ITGA9: variants seen among roughly 807,000 people sequenced by gnomAD.
ITGA9 encodes integrin alpha-9.
ITGA9 carries 56 observed loss-of-function variants against 127.8 expected under a neutral mutation model. The observed-to-expected ratio is 0.44, with a 90% CI of 0.35 to 0.55. The LOEUF is 0.55. Ranked by LOEUF, ITGA9 falls within the 20% of genes least tolerant of loss-of-function variation. The pLI is 0.00. For missense variants in ITGA9, 1,196 were observed against 1,347.1 expected (o/e 0.89, Z 1.76); for synonymous variants, 508 against 514.5 (o/e 0.99, Z 0.17).
At chr3:37,517,284 T>C (rs17814903) in intron 9 of ITGA9, among the ~76,000 whole-genome samples, 13,127 of 152,136 alleles carry the variant, frequency 0.086, 677 homozygotes, top group Non-Finnish European at 0.11. Context: ...CAAAAATGCA[T>C]CTCAGGCTAT....
intron 27 of ITGA9, among the ~76,000 whole-genome samples, chr3:37,809,104 T>C (rs1305329314): frequency 2.0e-5 from 3 of 151,330 alleles, no homozygotes; most frequent in Non-Finnish European, 2.9e-5. Flanking sequence ...TTTTTTTTTT[T>C]TGTGGCAGTC....
At chr3:37,809,252 A>C in intron 27 of ITGA9, among the ~76,000 whole-genome samples, 1 of 151,892 alleles carries the variant, frequency 6.6e-6, no homozygotes, top group East Asian at 1.9e-4. Flanking sequence ...AGCCTGGCTA[A>C]GTTTTGTATT....
intron 26 of ITGA9, among the ~76,000 whole-genome samples, chr3:37,800,957 G>A (rs1173569008): frequency 6.6e-6 from 1 of 152,026 alleles, no homozygotes; most frequent in East Asian, 1.9e-4. Context: ...TCGAGGCCAG[G>A]AGTTCGAGAC....
At chr3:37,633,496 A>C (rs1240830041) in intron 16 of ITGA9, among the ~76,000 whole-genome samples, 5 of 152,232 alleles carry the variant, frequency 3.3e-5, no homozygotes, top group African/African-American at 9.6e-5. Flanking sequence ...AAAGTGTTGA[A>C]TATCTCATGT....
intron 18 of ITGA9, among the ~76,000 whole-genome samples, chr3:37,699,190 T>A (rs532458752): frequency 2.0e-5 from 3 of 152,236 alleles, no homozygotes; most frequent in South Asian, 2.1e-4. Flanking sequence ...ACTGGTCAAG[T>A]CTCATAACTT....
At position 37,597,730 on chromosome 3, in the gene ITGA9, C is replaced by T. The variant is rs1699882472; in HGVS notation, c.1690-31457C>T. Reference sequence around the variant, plus strand: ...CAGAACAAACTCAAAACTTCAGTGGCATACAATACAAAGCATATAGTTTGT... The same window carrying T: ...CAGAACAAACTCAAAACTTCAGTGGTATACAATACAAAGCATATAGTTTGT... On this transcript the variant is annotated intron_variant, in intron 15 of 27. Transcript: ENST00000264741. This position sits in a 1 kb window ranked among gnomAD's most constrained non-coding sequence, Gnocchi z 4.6. 6.6e-6 allele frequency among the ~76,000 whole-genome samples: 1 copy of T among 152,218 alleles called. No homozygotes were observed. Among genetic ancestry groups the T allele is most frequent in the African/African-American group, 2.4e-5 (1 of 41,444 alleles).
chr3:37,561,612 G>A (rs1240343536), intron 15 of ITGA9, among the ~76,000 whole-genome samples: 11 of 152,122 alleles, frequency 7.2e-5, no homozygotes, highest in Non-Finnish European at 1.0e-4. Context: ...TGGTGATGAC[G>A]GCCTGCAAAA....
intron 18 of ITGA9, among the ~76,000 whole-genome samples, chr3:37,693,870 C>G (rs916399429): frequency 3.3e-5 from 5 of 152,186 alleles, no homozygotes; most frequent in Non-Finnish European, 7.3e-5. Context: ...TTGTGTTCTG[C>G]TTTCTCTGGT....
intron 26 of ITGA9, among the ~76,000 whole-genome samples, chr3:37,796,294 A>G (rs1366828071): frequency 3.3e-5 from 5 of 152,130 alleles, no homozygotes; most frequent in Admixed American, 3.3e-4. Context: ...ATCATCATGA[A>G]CTTCTCCTTT....
At chr3:37,653,593 G>A in intron 16 of ITGA9, 121 bp from the exon 17 acceptor site, 2 of 806,510 alleles carry the variant, frequency 2.5e-6, no homozygotes, top group South Asian at 2.7e-5. Context: ...GGAGGTGGGA[G>A]TAGAAGCCCT....
At chr3:37,581,801 A>G (rs1313030954) in intron 15 of ITGA9, among the ~76,000 whole-genome samples, 1 of 152,200 alleles carries the variant, frequency 6.6e-6, no homozygotes, top group Non-Finnish European at 1.5e-5. Context: ...TTTGGAACTG[A>G]GCAGCATTCT....
chr3:37,528,618 C>T (rs1699118303), intron 13 of ITGA9, among the ~76,000 whole-genome samples: 1 of 152,158 alleles, frequency 6.6e-6, no homozygotes. Context: ...GGAAACCTGA[C>T]CTAGCCTGTG....
chr3:37,512,589 GTTTGGCTTGCACAGTA>G (rs796344002), intron 8 of ITGA9, among the ~76,000 whole-genome samples: 4 of 152,232 alleles, frequency 2.6e-5, no homozygotes, highest in African/African-American at 9.6e-5. Flanking sequence ...AAATACTTTT[GTTTGGCTTGCACAGTA>G]TTTGTTTATT....
chr3:37,512,044 CTTT>C (rs1559524572), intron 8 of ITGA9, among the ~76,000 whole-genome samples: 267 of 25,990 alleles, frequency 0.01, 10 homozygotes, highest in Non-Finnish European at 0.018. Flanking sequence ...TTCTTTCTTT[CTTT>C]CTTTCTTTCT....
In ITGA9 at chr3:37,519,239, T is replaced by C. The variant is rs751868285; in HGVS notation, c.1142-21T>C. ...ATTATTAATGTGGCTTTTTAACCCA[T>C]AGCTGTTTTTTTACCCTCAGATGTG... On this transcript the variant is annotated intron_variant, in intron 10 of 27. Transcript: ENST00000264741. 6.3e-6 allele frequency: 10 copies of C among 1,593,826 alleles called. No homozygotes were observed. The East Asian group carries it at 2.2e-4, about 36-fold the overall frequency.
intron 19 of ITGA9, among the ~76,000 whole-genome samples, chr3:37,734,227 GC>G (rs1167721216): frequency 6.6e-6 from 1 of 152,236 alleles, no homozygotes; most frequent in Non-Finnish European, 1.5e-5. Flanking sequence ...CATGTGGATG[GC>G]AGAGTACAGG....
intron 17 of ITGA9, among the ~76,000 whole-genome samples, chr3:37,654,046 C>A (rs1333689319): frequency 6.6e-6 from 1 of 152,094 alleles, no homozygotes; most frequent in Admixed American, 6.6e-5. Context: ...TTTCTAATTT[C>A]TATGAGTATT....
intron 23 of ITGA9, among the ~76,000 whole-genome samples, chr3:37,768,555 C>T (rs1696805449): frequency 6.6e-6 from 1 of 152,154 alleles, no homozygotes; most frequent in African/African-American, 2.4e-5. Flanking sequence ...CGTGTGACTT[C>T]AGAGAAGCAG....
chr3:37,787,603 ATCTG>A (rs1697056727), intron 26 of ITGA9, among the ~76,000 whole-genome samples: 1 of 151,994 alleles, frequency 6.6e-6, no homozygotes, highest in East Asian at 1.9e-4. Flanking sequence ...AAGTTCTACA[ATCTG>A]TTGTTCTCAA....
Sources: allele counts gnomAD v4.1 joint callset (sites outside exome capture counted in the v4.1 genomes callset), GRCh38; gene constraint gnomAD v4.1.1; non-coding constraint Gnocchi (gnomAD v3.1); transcripts MANE v1.5; gene names NCBI Gene and HGNC (gene_info 2026-07-23, HGNC 2026-07-21).